The following ATR variants were observed in gnomAD, a reference collection of about 807,000 sequenced individuals.
ATR encodes serine/threonine-protein kinase ATR.
Under a neutral mutation model 305.3 loss-of-function variants are expected in ATR, and 142 were observed. The ratio of observed to expected loss-of-function variants is 0.47; its 90% CI spans 0.41 to 0.53. The LOEUF (loss-of-function observed/expected upper bound fraction) is 0.53. Ranked by LOEUF, ATR falls within the 20% of genes least tolerant of loss-of-function variation. The pLI, the probability that ATR is intolerant of heterozygous loss-of-function variation, is 0.00. For missense variants in ATR, 2,135 were observed against 3,133.1 expected (o/e 0.68, Z 7.60); for synonymous variants, 1,050 against 1,068.1 (o/e 0.98, Z 0.33).
intron 21 of ATR, among the ~76,000 whole-genome samples, chr3:142,528,873 A>AT (rs1559966998): frequency 2.1e-4 from 10 of 48,616 alleles, no homozygotes; most frequent in East Asian, 8.1e-4. Context: ...ATATATATAT[A>AT]TATATATTTT....
intron 41 of ATR, among the ~76,000 whole-genome samples, chr3:142,462,488 A>G (rs147494191): frequency 0.023 from 3,361 of 143,988 alleles, 52 homozygotes; most frequent in Middle Eastern, 0.041. Context: ...TTTTTTTTTG[A>G]GATGGAGTCT....
In ATR at chr3:142,466,393, G is replaced by A; in HGVS notation, c.6828C>T (p.Thr2276=). The A allele has an allele frequency of 3.7e-6, 6 of 1,613,966 alleles. No homozygotes were observed. Among genetic ancestry groups the A allele is most frequent in the Non-Finnish European group, 5.1e-6 (6 of 1,179,936 alleles). Reference sequence around the variant, plus strand: ...GTTCATGGCTAGCATGGTTAGCATGGGTACCCAGAATTGATGGAAGTGTAG... The same window carrying A: ...GTTCATGGCTAGCATGGTTAGCATGAGTACCCAGAATTGATGGAAGTGTAG... The part of the protein sequence containing the change: ...MIPTLPSILG[T]HANHASHEPF... Residue 2276 remains threonine, a synonymous_variant, in exon 40 of 47, where the codon ACC becomes ACT. Transcript: ENST00000350721.
intron 23 of ATR, among the ~76,000 whole-genome samples, chr3:142,521,093 C>T (rs1165016626): frequency 6.6e-6 from 1 of 151,820 alleles, no homozygotes; most frequent in African/African-American, 2.4e-5. Flanking sequence ...TACTATATAC[C>T]CATAAAAATT....
intron 10 of ATR, among the ~76,000 whole-genome samples, chr3:142,554,369 A>C (rs893673634): frequency 1.3e-5 from 2 of 152,038 alleles, no homozygotes; most frequent in Non-Finnish European, 2.9e-5. Context: ...CTGGGACCAC[A>C]GGCATGCACC....
intron 36 of ATR, among the ~76,000 whole-genome samples, chr3:142,471,299 C>G (rs1027005185): frequency 1.3e-5 from 2 of 152,170 alleles, no homozygotes; most frequent in African/African-American, 4.8e-5. Context: ...CTTTTTAAAG[C>G]AGAATAATAT....
At chr3:142,554,058 TG>T in intron 10 of ATR, 43 bp from the exon 11 acceptor site, 1 of 1,480,026 alleles carries the variant, frequency 6.8e-7, no homozygotes, top group Non-Finnish European at 9.3e-7. Context: ...ACATATTAAA[TG>T]TCAAGGTTGT....
chr3:142,552,669 C>A (rs369211985), intron 13 of ATR, among the ~76,000 whole-genome samples: 526 of 93,058 alleles, frequency 5.7e-3, no homozygotes, highest in South Asian at 0.012. Flanking sequence ...TACTCCATCT[C>A]AAAAAAAAAA....
intron 1 of ATR, among the ~76,000 whole-genome samples, chr3:142,568,374 C>G (rs2035143029): frequency 6.6e-6 from 1 of 152,174 alleles, no homozygotes; most frequent in Admixed American, 6.5e-5. Flanking sequence ...ATCAGCAAAG[C>G]CTAGACCTGA....
intron 16 of ATR, among the ~76,000 whole-genome samples, chr3:142,544,795 T>C (rs2034206477): frequency 6.6e-6 from 1 of 151,490 alleles, no homozygotes; most frequent in South Asian, 2.1e-4. Flanking sequence ...TAGAGAGGAG[T>C]GAGGTATCCT....
intron 36 of ATR, among the ~76,000 whole-genome samples, chr3:142,470,773 A>G (rs2071242706): frequency 6.6e-6 from 1 of 152,156 alleles, no homozygotes; most frequent in Non-Finnish European, 1.5e-5. Context: ...ACTCACCAGT[A>G]TACATCTTCC....
chr3:142,496,925 A>G, intron 33 of ATR, 88 bp downstream of exon 33: 1 of 1,434,150 alleles, frequency 7.0e-7, no homozygotes, highest in East Asian at 2.3e-5. Flanking sequence ...ATTCAGACAG[A>G]AAATTAAGAA....
rs759135672 is a variant in ATR, at chr3:142,553,635, T to C, written c.2633+5A>G. The C allele has an allele frequency of 1.3e-6, 2 of 1,595,954 alleles. No individual in the cohort carries two copies. Among genetic ancestry groups the C allele is most frequent in the Admixed American group, 1.7e-5 (1 of 59,796 alleles). Reference sequence around the variant, plus strand: ...AAGGAAGAACACAAATGCTGCCAAGTATACCTTCCAATATCCCCTGTTGTA... The same window carrying C: ...AAGGAAGAACACAAATGCTGCCAAGCATACCTTCCAATATCCCCTGTTGTA... On this transcript the variant is annotated splice_donor_5th_base_variant and intron_variant, in intron 12 of 46. Transcript: ENST00000350721.
At chr3:142,573,311 G>A (rs2035333321) in intron 1 of ATR, among the ~76,000 whole-genome samples, 2 of 151,990 alleles carry the variant, frequency 1.3e-5, no homozygotes, top group African/African-American at 2.4e-5. Context: ...GCCAGGCGTG[G>A]TGGTGGGCGC....
In ATR at chr3:142,496,324, A is replaced by ACATATATATATATG. The variant is rs746169849; in HGVS notation, c.5898+36_5898+37insCATATATATATATG. The stretch of plus-strand genomic sequence containing the variant: ...TATATATATATATATATATATATAT[A>ACATATATATATATG]TATATATATATATGATGACATTTCC... On this transcript the variant is annotated intron_variant, in intron 34 of 46. Coordinates refer to ENST00000350721, the MANE Select transcript of ATR (RefSeq NM_001184.4). 9.5e-5 allele frequency: 30 copies of ACATATATATATATG among 316,464 alleles called. 5 individuals are homozygous for ACATATATATATATG. In the African/African-American group the frequency reaches 9.7e-4, roughly 10 times the overall value. 19.6% of individuals were successfully genotyped at this position (316,464 alleles called of 1,614,324 possible).
At chr3:142,568,864 C>G (rs1022261376) in intron 1 of ATR, among the ~76,000 whole-genome samples, 5 of 152,270 alleles carry the variant, frequency 3.3e-5, no homozygotes, top group African/African-American at 1.2e-4. Context: ...CCCCTGCTGC[C>G]TCATCTCCCT....
chr3:142,481,169 C>A (rs1036080866), intron 36 of ATR, among the ~76,000 whole-genome samples: 5 of 152,228 alleles, frequency 3.3e-5, no homozygotes, highest in Non-Finnish European at 7.3e-5. Flanking sequence ...CACCCATCTT[C>A]TGCGCTGCTC....
intron 22 of ATR, among the ~76,000 whole-genome samples, chr3:142,523,573 A>G (rs1454206226): frequency 6.6e-6 from 1 of 152,224 alleles, no homozygotes; most frequent in Non-Finnish European, 1.5e-5. Context: ...ACACAGATAC[A>G]TTAAAAGTCA....
intron 35 of ATR, among the ~76,000 whole-genome samples, chr3:142,491,258 G>A (rs1443922462): frequency 2.0e-5 from 3 of 152,178 alleles, no homozygotes; most frequent in Non-Finnish European, 4.4e-5. Flanking sequence ...GGATCTGCAT[G>A]TCATTCTACA....
chr3:142,552,382 A>G (rs1315174452), intron 13 of ATR, among the ~76,000 whole-genome samples: 2 of 152,170 alleles, frequency 1.3e-5, no homozygotes, highest in East Asian at 3.8e-4. Flanking sequence ...TTACAATAGC[A>G]AAGTTGGCCA....
Sources: gnomAD v4.1 joint callset for allele counts (sites outside exome capture counted in the v4.1 genomes callset) on GRCh38, gnomAD v4.1.1 for gene constraint, MANE v1.5 for transcripts, NCBI Gene and HGNC (gene_info 2026-07-23, HGNC 2026-07-21) for gene names.